HS6ST3: variants seen among roughly 807,000 people sequenced by gnomAD.
HS6ST3 encodes the protein heparan-sulfate 6-O-sulfotransferase 3.
A neutral mutation model predicts 36.7 loss-of-function variants in HS6ST3; 12 were observed. The ratio of observed to expected loss-of-function variants is 0.33; its 90% CI spans 0.21 to 0.53. The LOEUF (loss-of-function observed/expected upper bound fraction) is 0.53, where lower values mean the gene tolerates loss of function less well. HS6ST3 is among the 20% of genes least tolerant of loss of function. HS6ST3 has a pLI of 0.95. For synonymous variants in HS6ST3, 240 were observed against 257.5 expected (o/e 0.93, Z 0.65); for missense variants, 584 against 640.9 (o/e 0.91, Z 0.96).
intron 1 of HS6ST3, among the ~76,000 whole-genome samples, chr13:96,406,790 G>A (rs1458060799): frequency 1.3e-5 from 2 of 152,284 alleles, no homozygotes; most frequent in African/African-American, 2.4e-5. Context: ...TTTGTCTTCT[G>A]TCAGAAGTTA....
At chr13:96,312,685 C>T (rs1226039418) in intron 1 of HS6ST3, among the ~76,000 whole-genome samples, 1 of 152,096 alleles carries the variant, frequency 6.6e-6, no homozygotes, top group African/African-American at 2.4e-5. Flanking sequence ...GACACAGTGG[C>T]TCATGCCTGT....
intron 1 of HS6ST3, among the ~76,000 whole-genome samples, chr13:96,417,601 TG>T (rs2055540273): frequency 6.6e-6 from 1 of 150,954 alleles, no homozygotes; most frequent in African/African-American, 2.4e-5. Context: ...TGTGTGTGTG[TG>T]TGTGTGTGTG....
At chr13:96,256,926 C>A (rs2054640159) in intron 1 of HS6ST3, among the ~76,000 whole-genome samples, 1 of 152,166 alleles carries the variant, frequency 6.6e-6, no homozygotes, top group Admixed American at 6.5e-5. Flanking sequence ...TGGTCCTAGG[C>A]AACCAGGGGA....
rs140925473 is a variant in HS6ST3, at chr13:96,307,225, A to G, written c.707+215656A>G. ...TGCTCTCTAATATCATGTCTTGGGTAGCAAATCACTATTTGAGTGTTTTTC... is the reference window on the plus strand; with the variant it reads ...TGCTCTCTAATATCATGTCTTGGGTGGCAAATCACTATTTGAGTGTTTTTC... On this transcript the variant is annotated intron_variant, in intron 1 of 1. Transcript: ENST00000376705. Among the ~76,000 whole-genome samples, 107 of 152,316 alleles carry G rather than the reference A, an allele frequency of 7.0e-4. 2 individuals are homozygous for G. The highest frequency in any genetic ancestry group is 2.5e-3 in the African/African-American group (104 of 41,578).
intron 1 of HS6ST3, among the ~76,000 whole-genome samples, chr13:96,214,081 G>A (rs141588001): frequency 7.3e-4 from 111 of 152,270 alleles, no homozygotes; most frequent in African/African-American, 2.5e-3. Context: ...TGAATTTGGT[G>A]TGATCATTTT....
At chr13:96,632,330 T>G (rs1400217014) in intron 1 of HS6ST3, among the ~76,000 whole-genome samples, 1 of 151,386 alleles carries the variant, frequency 6.6e-6, no homozygotes, top group Non-Finnish European at 1.5e-5. Context: ...TGTTTGTTTG[T>G]TTTTGTTTTT....
Position 96,832,701 on chromosome 13 carries a change from A to G in HS6ST3, c.919A>G (p.Asn307Asp). The G allele has an allele frequency of 2.5e-6, 4 of 1,614,016 alleles. No homozygotes were observed. In the South Asian group the frequency reaches 4.4e-5, roughly 18 times the overall value. The change falls in exon 2 of 2, where the codon AAC becomes GAC. Residue 307 changes from asparagine to aspartate, a missense_variant. Asn to Asp is a conservative substitution (Grantham distance 23, BLOSUM62 1). Coordinates refer to ENST00000376705, the MANE Select transcript of HS6ST3 (RefSeq NM_153456.4). Reference sequence around the variant, plus strand: ...TATGGATTGCACCTACAACCTGGCTAACAATCGCCAGGTGCGCATGCTGGC... The same window carrying G: ...TATGGATTGCACCTACAACCTGGCTGACAATCGCCAGGTGCGCATGCTGGC... ...EFMDCTYNLA[N>D]NRQVRMLADL...
chr13:96,191,029 A>T (rs1035743194), intron 1 of HS6ST3, among the ~76,000 whole-genome samples: 4 of 152,150 alleles, frequency 2.6e-5, no homozygotes, highest in East Asian at 1.9e-4. Context: ...TGGCTCCATC[A>T]TCAAGCCAGA....
chr13:96,634,057 T>A (rs1221575368), intron 1 of HS6ST3, among the ~76,000 whole-genome samples: 1 of 152,142 alleles, frequency 6.6e-6, no homozygotes, highest in Non-Finnish European at 1.5e-5. Context: ...TGTGAGGATA[T>A]GAGGAGGCAG....
chr13:96,614,926 CATTT>C (rs2056469008), intron 1 of HS6ST3, among the ~76,000 whole-genome samples: 1 of 152,028 alleles, frequency 6.6e-6, no homozygotes, highest in Non-Finnish European at 1.5e-5. Context: ...CTATTCTTAA[CATTT>C]ATTTATAATA....
At chr13:96,341,350 C>A (rs2055129171) in intron 1 of HS6ST3, among the ~76,000 whole-genome samples, 1 of 151,946 alleles carries the variant, frequency 6.6e-6, no homozygotes, top group Admixed American at 6.6e-5. Context: ...ATTGAGCAAC[C>A]TTGAACCACA....
chr13:96,561,082 C>T (rs1394585744), intron 1 of HS6ST3, among the ~76,000 whole-genome samples: 4 of 151,838 alleles, frequency 2.6e-5, no homozygotes, highest in African/African-American at 9.7e-5. Context: ...GAAGCAATCC[C>T]AAGCAAAAAA....
intron 1 of HS6ST3, among the ~76,000 whole-genome samples, chr13:96,186,835 T>C (rs753429052): frequency 1.3e-5 from 2 of 152,256 alleles, no homozygotes; most frequent in Admixed American, 6.5e-5. Context: ...TTTTTCACCT[T>C]TATTCACAAT....
At chr13:96,747,784 T>C (rs1389456457) in intron 1 of HS6ST3, among the ~76,000 whole-genome samples, 1 of 151,918 alleles carries the variant, frequency 6.6e-6, no homozygotes, top group Non-Finnish European at 1.5e-5. Context: ...AAATGAGTGG[T>C]TGAAGCAGAC....
At chr13:96,457,728 AG>A (rs1388299119) in intron 1 of HS6ST3, among the ~76,000 whole-genome samples, 1 of 152,158 alleles carries the variant, frequency 6.6e-6, no homozygotes, top group Non-Finnish European at 1.5e-5. Context: ...TTCTGTATCA[AG>A]GAGAAGTGGC....
At chr13:96,771,218 C>T (rs1431142545) in intron 1 of HS6ST3, among the ~76,000 whole-genome samples, 1 of 137,126 alleles carries the variant, frequency 7.3e-6, no homozygotes, top group African/African-American at 2.8e-5. Context: ...GGGAATTGAA[C>T]AATGAGAACA....
chr13:96,674,592 T>C (rs1222121336), intron 1 of HS6ST3, among the ~76,000 whole-genome samples: 3 of 152,080 alleles, frequency 2.0e-5, no homozygotes, highest in South Asian at 2.1e-4. Context: ...GTCCCTCTAT[T>C]AGACGTTTCC....
At chr13:96,484,953 A>G (rs2055907137) in intron 1 of HS6ST3, among the ~76,000 whole-genome samples, 1 of 152,164 alleles carries the variant, frequency 6.6e-6, no homozygotes, top group Non-Finnish European at 1.5e-5. Context: ...CATTCCTACC[A>G]ACAGTGTACA....
chr13:96,199,822 A>G (rs1316551933), intron 1 of HS6ST3, among the ~76,000 whole-genome samples: 1 of 152,136 alleles, frequency 6.6e-6, no homozygotes, highest in African/African-American at 2.4e-5. Context: ...AGCTAGTGTC[A>G]TAGTCAAAGG....
Sources: gnomAD v4.1 joint callset for allele counts (sites outside exome capture counted in the v4.1 genomes callset) on GRCh38, gnomAD v4.1.1 for gene constraint, MANE v1.5 for transcripts, NCBI Gene and HGNC (gene_info 2026-07-23, HGNC 2026-07-21) for gene names.